Variants in CEP290 observed in about 807,000 individuals in gnomAD.
The protein encoded by CEP290 is centrosomal protein of 290 kDa.
A neutral mutation model predicts 344.9 loss-of-function variants in CEP290; 317 were observed. The observed-to-expected ratio is 0.92, with a 90% confidence interval of 0.84 to 1.01. CEP290 has a LOEUF of 1.01. Among genes scored for constraint, CEP290 ranks in the 50% least tolerant of loss-of-function variants. The pLI is 0.00. For synonymous variants in CEP290, 932 were observed against 895.8 expected, an observed-to-expected ratio of 1.04 and a Z score of -0.72; for missense variants, 2,754 against 2,761.4, an observed-to-expected ratio of 1.00 and a Z score of 0.06.
chr12:88,059,094 TATC>T (rs1261904322), intron 48 of CEP290, 74 bp from the exon 49 acceptor site: 3 of 1,259,172 alleles, frequency 2.4e-6, no homozygotes, highest in Middle Eastern at 2.0e-4. Flanking sequence ...TATTCAAAAT[TATC>T]ATTACAAATT....
chr12:88,136,914 A>C (rs1261875099), intron 5 of CEP290, 128 bp from the exon 6 acceptor site: 8 of 860,918 alleles, frequency 9.3e-6, no homozygotes, highest in Non-Finnish European at 1.3e-5. Flanking sequence ...ATTTAAAATC[A>C]TATTAGCTTA....
At chr12:88,141,118 T>C in intron 2 of CEP290, 85 bp from the exon 3 acceptor site, 4 of 1,307,268 alleles carry the variant, frequency 3.1e-6, no homozygotes, top group Admixed American at 3.0e-5. Flanking sequence ...ACAATTATAG[T>C]TGTCCCTGAA....
intron 46 of CEP290, 123 bp downstream of exon 46, chr12:88,062,569 T>TA (rs1325168248): frequency 1.9e-5 from 12 of 633,982 alleles, no homozygotes; most frequent in Non-Finnish European, 2.8e-5. Context: ...AGATGCAGAA[T>TA]AAACACTGAA....
intron 20 of CEP290, among the ~76,000 whole-genome samples, chr12:88,113,988 AT>A (rs1365730696): frequency 6.6e-6 from 1 of 152,102 alleles, no homozygotes; most frequent in East Asian, 1.9e-4. Flanking sequence ...TGACTTTGCC[AT>A]TTTTAAAGAT....
intron 11 of CEP290, among the ~76,000 whole-genome samples, 175 bp from the exon 12 acceptor site, chr12:88,126,613 C>T (rs1217988721): frequency 6.6e-6 from 1 of 151,942 alleles, no homozygotes; most frequent in Non-Finnish European, 1.5e-5. Flanking sequence ...GTATATACAA[C>T]CTGAAATTCA....
At chr12:88,085,517 A>G (rs2036514192) in intron 34 of CEP290, among the ~76,000 whole-genome samples, 1 of 152,128 alleles carries the variant, frequency 6.6e-6, no homozygotes, top group African/African-American at 2.4e-5. Context: ...CAGTTTATTT[A>G]GATGAAAACT....
rs1163014007 is a variant in CEP290 at position 88,125,228 on chromosome 12, A to G, written c.1189+18T>C. 1 of 682,960 alleles carries G rather than the reference A, an allele frequency of 1.5e-6. No homozygotes were observed. The highest frequency in any genetic ancestry group is 3.4e-5 in the East Asian group (1 of 29,130). 42.3% of individuals were successfully genotyped at this position (682,960 alleles called of 1,614,324 possible). ...AAACATAATTGTATATAAAATAACT[A>G]TATATTTATAAAAATACCTTTGTTT... On this transcript the variant is annotated intron_variant, in intron 13 of 53. Coordinates refer to ENST00000552810, the MANE Select transcript of CEP290 (RefSeq NM_025114.4).
In CEP290 at chr12:88,077,682, T is replaced by C. The variant is rs773974176; in HGVS notation, c.5586+15A>G. The C allele has an allele frequency of 1.4e-6, 2 of 1,384,524 alleles. No homozygotes were observed. The highest frequency in any genetic ancestry group is 2.0e-6 in the Non-Finnish European group (2 of 1,003,932). The allele number at this position is 1,384,524 out of a possible 1,614,324, so 85.8% of individuals were successfully genotyped here. ...ATTGTAAATCAGACATTATCAGAGT[T>C]AAATATAAAATTACCTGTAATCCAC... On this transcript the variant is annotated intron_variant, in intron 40 of 53. Coordinates refer to ENST00000552810, the MANE Select transcript of CEP290 (RefSeq NM_025114.4).
At chr12:88,135,810 G>C (rs1055175558) in intron 6 of CEP290, 1 of 152,016 alleles carries the variant, frequency 6.6e-6, no homozygotes, top group Non-Finnish European at 1.5e-5. Flanking sequence ...CACAAAGGTG[G>C]AAAACGTTTC....
intron 4 of CEP290, 140 bp downstream of exon 4, chr12:88,139,355 A>G (rs1161470477): frequency 1.9e-6 from 1 of 519,404 alleles, no homozygotes; most frequent in African/African-American, 2.0e-5. Context: ...GGAGTCTAGA[A>G]ATATTTATTA....
intron 6 of CEP290, among the ~76,000 whole-genome samples, chr12:88,135,498 G>T (rs1446146960): frequency 1.3e-5 from 2 of 152,052 alleles, no homozygotes. Flanking sequence ...CCACATGTCT[G>T]CTATGTTTTG....
chr12:88,141,741 T>A lies in CEP290; in HGVS notation c.-28+159A>T, dbSNP rs112756535. ...AAAACGCAGAAATTAACATTTGGAA[T>A]GAGTGAAGTTGTGCGGCGGAAACTG... On this transcript the variant is annotated intron_variant, in intron 1 of 53. Coordinates refer to ENST00000552810, the MANE Select transcript of CEP290 (RefSeq NM_025114.4). Among the ~76,000 whole-genome samples, 42 of 151,838 alleles carry A rather than the reference T, an allele frequency of 2.8e-4. 1 individual carries two copies. Among genetic ancestry groups the A allele is most frequent in the African/African-American group, 9.7e-4 (40 of 41,368 alleles).
rs1004064531 is a variant in CEP290, at chr12:88,139,186, G to T, written c.256C>A (p.Gln86Lys). The change falls in exon 5 of 54, where the codon CAA (glutamine) becomes AAA (lysine). Residue 86 changes from glutamine (Q) to lysine (K), a missense_variant. Gln to Lys is a moderately conservative substitution (Grantham distance 53). Coordinates refer to ENST00000552810, the MANE Select transcript of CEP290 (RefSeq NM_025114.4). ...AGEEQAKFEN[Q>K]LKTKVMKLEN... ...AGTTTCATTACTTTAGTTTTTAATT[G>T]ATTTTCTATTTTTTTAAAAAAAAAG... 10 of 1,129,282 alleles carry T rather than the reference G, an allele frequency of 8.9e-6. No homozygotes were observed. Among genetic ancestry groups the T allele is most frequent in the South Asian group, 5.6e-5 (3 of 53,470 alleles). The allele number at this position is 1,129,282 out of a possible 1,614,324, so 70.0% of individuals were successfully genotyped here. A position where few individuals can be genotyped will look rare whatever the true frequency, so the allele number is the denominator to read the frequency against.
intron 26 of CEP290, among the ~76,000 whole-genome samples, chr12:88,099,878 T>G (rs2037737806): frequency 6.6e-6 from 1 of 152,002 alleles, no homozygotes; most frequent in African/African-American, 2.4e-5. Context: ...ACCCTGATAT[T>G]TTGCTATTTC....
At chr12:88,110,774 C>G (rs1378176735) in intron 22 of CEP290, among the ~76,000 whole-genome samples, 2 of 152,082 alleles carry the variant, frequency 1.3e-5, no homozygotes, top group African/African-American at 4.8e-5. Context: ...CACTAAAAAG[C>G]CTTGACAGAC....
chr12:88,111,930 T>C (rs759596770), intron 20 of CEP290, 72 bp from the exon 21 acceptor site: 24 of 1,087,578 alleles, frequency 2.2e-5, no homozygotes, highest in Non-Finnish European at 3.0e-5. Context: ...CAGTCTGTCT[T>C]TAAATAAAAT....
intron 28 of CEP290, among the ~76,000 whole-genome samples, chr12:88,093,293 A>G (rs1346187437): frequency 6.6e-6 from 1 of 152,128 alleles, no homozygotes; most frequent in East Asian, 1.9e-4. Flanking sequence ...GTGTTTAATC[A>G]TAAATTGTTA....
In CEP290 at chr12:88,129,817, T is replaced by C. The variant is rs1349591192; in HGVS notation, c.729A>G (p.Leu243=). The C allele has an allele frequency of 8.9e-6, 13 of 1,467,656 alleles. No homozygotes were observed. The highest frequency in any genetic ancestry group is 9.0e-6 in the Non-Finnish European group (10 of 1,111,032). The allele number at this position is 1,467,656 out of a possible 1,614,324, so 90.9% of individuals were successfully genotyped here. Residue 243 remains leucine (L), a synonymous_variant, in exon 10 of 54, where the codon TTA becomes TTG. Coordinates refer to ENST00000552810, the MANE Select transcript of CEP290 (RefSeq NM_025114.4). The stretch of plus-strand genomic sequence containing the variant: ...TCTCCATTTCCTGTACAGACTCTTC[T>C]AAATTTTTTCTCATTTCTTGATTCT... ...EVQNQEMRKN[L]EESVQEMEKM... is the part of the protein sequence containing the mutation.
At chr12:88,076,808 C>A (rs2035810536) in intron 41 of CEP290, among the ~76,000 whole-genome samples, 1 of 151,942 alleles carries the variant, frequency 6.6e-6, no homozygotes, top group African/African-American at 2.4e-5. Flanking sequence ...TAAAAAGGAC[C>A]TATTTGGGTC....
Sources: gnomAD v4.1 joint callset for allele counts (sites outside exome capture counted in the v4.1 genomes callset) on GRCh38, gnomAD v4.1.1 for gene constraint, MANE v1.5 for transcripts, NCBI Gene and HGNC (gene_info 2026-07-23, HGNC 2026-07-21) for gene names.